The following SEMA3F variants were observed in gnomAD, a reference collection of about 807,000 sequenced individuals.
The protein encoded by SEMA3F is semaphorin 3F.
SEMA3F carries 30 observed loss-of-function variants against 98.5 expected under a neutral mutation model. That is an observed-to-expected ratio of 0.30 (90% CI 0.23 to 0.41). SEMA3F has a LOEUF of 0.41. Among genes scored for constraint, SEMA3F ranks in the 10% least tolerant of loss-of-function variants. SEMA3F has a pLI of 1.00. For synonymous variants in SEMA3F, 380 were observed against 444.8 expected (o/e 0.85, Z 1.83); for missense variants, 866 against 1,119.3 (o/e 0.77, Z 3.23).
Position 50,182,602 on chromosome 3 carries a change from A to G in SEMA3F, c.764-42A>G. 8 of 1,600,980 alleles carry G rather than the reference A, an allele frequency of 5.0e-6. No homozygotes were observed. In the South Asian group the frequency reaches 6.6e-5, roughly 13 times the overall value. ...TCTGTTGGAGAACATCAGGGGCACC[A>G]TCAGAGTAGGGGCTCACCCAGCTGA... On this transcript the variant is annotated intron_variant, in intron 8 of 18. Transcript: ENST00000002829. This position sits in a 1 kb window ranked among gnomAD's most constrained non-coding sequence, Gnocchi z 4.5.
rs746725230 is a variant in SEMA3F at position 50,185,740 on chromosome 3, G to A, written c.1587+33G>A. 7 of 1,613,576 alleles carry A rather than the reference G, an allele frequency of 4.3e-6. No homozygotes were observed. The South Asian group carries it at 6.6e-5, about 15-fold the overall frequency. On this transcript the variant is annotated intron_variant, in intron 15 of 18. Coordinates refer to ENST00000002829, the MANE Select transcript of SEMA3F (RefSeq NM_004186.5). Reference sequence around the variant, plus strand: ...TTTGGCGAGGTGAGCCAAGGTTGGGGACAGGGCCTGCATCCCCTCAGGGTC... The same window carrying A: ...TTTGGCGAGGTGAGCCAAGGTTGGGAACAGGGCCTGCATCCCCTCAGGGTC...
At chr3:50,164,732 G>A (rs1172584345) in intron 2 of SEMA3F, among the ~76,000 whole-genome samples, 2 of 152,218 alleles carry the variant, frequency 1.3e-5, no homozygotes, top group Non-Finnish European at 2.9e-5. Context: ...TGTAAGGTGG[G>A]AATGGCAGTG....
intron 2 of SEMA3F, among the ~76,000 whole-genome samples, chr3:50,163,566 G>A (rs1298297727): frequency 2.0e-5 from 3 of 152,262 alleles, no homozygotes; most frequent in East Asian, 1.9e-4. Flanking sequence ...CTTCCCCTCA[G>A]GAGTTGATGT....
intron 2 of SEMA3F, among the ~76,000 whole-genome samples, chr3:50,163,641 G>C (rs1446163691): frequency 6.6e-6 from 1 of 152,250 alleles, no homozygotes; most frequent in Non-Finnish European, 1.5e-5. Flanking sequence ...CAGGAGTAGG[G>C]GTGGGGCTGG....
At chr3:50,159,946 A>G (rs1698141454) in intron 2 of SEMA3F, among the ~76,000 whole-genome samples, 1 of 152,244 alleles carries the variant, frequency 6.6e-6, no homozygotes, top group South Asian at 2.1e-4. Context: ...AAAAGAGTCC[A>G]GAGTCTGGGC....
At chr3:50,159,339 T>G (rs1222483599) in intron 1 of SEMA3F, 3 of 390,262 alleles carry the variant, frequency 7.7e-6, no homozygotes, top group Non-Finnish European at 1.4e-5. Flanking sequence ...GGGGTAGGGT[T>G]TGAGTCTCCA....
At position 50,188,040 on chromosome 3, in the gene SEMA3F, A is replaced by G. The variant is rs747559791; in HGVS notation, c.2283A>G (p.Pro761=). The change falls in exon 19 of 19, where the codon CCA becomes CCG. Residue 761 remains proline (P), a synonymous_variant. Coordinates refer to ENST00000002829, the MANE Select transcript of SEMA3F (RefSeq NM_004186.5). This position sits in a 1 kb window ranked among gnomAD's most constrained non-coding sequence, Gnocchi z 4.5. ...TGCCCCCCAGCCCCAGGGAGGCTCC[A>G]GGGGCACCCCGGTCTCCTGAGCCCC... is the stretch of plus-strand genomic sequence containing the variant. The part of the protein sequence containing the change: ...RHVPPSPREA[P]GAPRSPEPQD... 15 of 1,593,852 alleles carry G rather than the reference A, an allele frequency of 9.4e-6. No individual in the cohort carries two copies. Among genetic ancestry groups the G allele is most frequent in the Admixed American group, 3.4e-5 (2 of 58,436 alleles).
chr3:50,175,496 C>T (rs924059698), intron 6 of SEMA3F, among the ~76,000 whole-genome samples: 9 of 152,352 alleles, frequency 5.9e-5, no homozygotes, highest in Middle Eastern at 3.4e-3. Context: ...GAGCACACAC[C>T]GGTGTGGATG....
At chr3:50,183,338 C>T (rs917864266) in intron 11 of SEMA3F, 82 bp from the exon 12 acceptor site, 25 of 1,602,718 alleles carry the variant, frequency 1.6e-5, no homozygotes, top group East Asian at 1.3e-4. Flanking sequence ...AGCCCGGTGG[C>T]GAGCTGTGGG....
chr3:50,155,115 T>C, upstream of SEMA3F: 1 of 411,650 alleles, frequency 2.4e-6, no homozygotes, highest in Non-Finnish European at 4.5e-6. The surrounding 1 kb of genome is among the most constrained non-coding windows in gnomAD (Gnocchi z 4.9). Flanking sequence ...ACCGCGGCGG[T>C]CCGGAGAGCC....
In SEMA3F at chr3:50,186,367, A is replaced by G. The variant is rs376199809; in HGVS notation, c.1813+19A>G. On this transcript the variant is annotated intron_variant, in intron 17 of 18. Coordinates refer to ENST00000002829, the MANE Select transcript of SEMA3F (RefSeq NM_004186.5). ...TCCAATGGTGAGTATGCTGGGCCTC[A>G]CTGTGGGGTGCTGCTCACACTGCAG... is the stretch of plus-strand genomic sequence containing the variant. The G allele has an allele frequency of 6.2e-7, 1 of 1,610,918 alleles. No individual in the cohort carries two copies. Among genetic ancestry groups the G allele is most frequent in the Non-Finnish European group, 8.5e-7 (1 of 1,177,864 alleles).
At chr3:50,161,526 G>A (rs991860019) in intron 2 of SEMA3F, among the ~76,000 whole-genome samples, 3 of 152,234 alleles carry the variant, frequency 2.0e-5, no homozygotes, top group African/African-American at 4.8e-5. Context: ...GGGTGTTGCC[G>A]GTTGTGGCGG....
At chr3:50,178,954 C>T (rs920052850) in intron 7 of SEMA3F, among the ~76,000 whole-genome samples, 1 of 151,172 alleles carries the variant, frequency 6.6e-6, no homozygotes, top group Non-Finnish European at 1.5e-5. Context: ...GCCTCAGCCT[C>T]CTGAGTAGCT....
intron 2 of SEMA3F, among the ~76,000 whole-genome samples, chr3:50,171,808 C>T (rs1484532422): frequency 2.6e-5 from 4 of 152,154 alleles, no homozygotes; most frequent in South Asian, 2.1e-4. Context: ...TCAGAGGCGC[C>T]GCTGGACAGG....
chr3:50,155,287 G>A (rs1697928971), upstream of SEMA3F: 2 of 318,608 alleles, frequency 6.3e-6, no homozygotes, highest in South Asian at 1.4e-4. The surrounding 1 kb of genome is among the most constrained non-coding windows in gnomAD (Gnocchi z 4.9). Flanking sequence ...GCGCCGGCCA[G>A]GGGGCGCCCG....
At chr3:50,168,858 C>T (rs1363915530) in intron 2 of SEMA3F, among the ~76,000 whole-genome samples, 1 of 152,216 alleles carries the variant, frequency 6.6e-6, no homozygotes, top group Non-Finnish European at 1.5e-5. Context: ...GGAGGTCTGT[C>T]TTTCCGGTGG....
chr3:50,159,542 C>A, intron 1 of SEMA3F, 33 bp from the exon 2 acceptor site: 1 of 825,286 alleles, frequency 1.2e-6, no homozygotes, highest in Non-Finnish European at 2.0e-6. Flanking sequence ...CCCCATCTGC[C>A]TCACACATTC....
In SEMA3F at chr3:50,184,808, G is replaced by A; in HGVS notation, c.1450G>A (p.Gly484Ser). ...ADGRYEVLFL[G>S]TDRGTVQKVI... ...CGGGCGCTATGAGGTGCTTTTCCTGGGCACAGGTACCCACTGCTGCTCCCG... is the reference window on the plus strand; with the variant it reads ...CGGGCGCTATGAGGTGCTTTTCCTGAGCACAGGTACCCACTGCTGCTCCCG... Residue 484 changes from glycine (G) to serine (S), a missense_variant, in exon 13 of 19, where the codon GGC becomes AGC. Around this residue, in one of 3 missense-constraint regions of SEMA3F, gnomAD observed 374 missense variants for 582.8 expected, o/e 0.64. Transcript: ENST00000002829. 1.2e-6 allele frequency: 2 copies of A among 1,613,006 alleles called. No individual in the cohort carries two copies. Among genetic ancestry groups the A allele is most frequent in the Non-Finnish European group, 1.7e-6 (2 of 1,179,502 alleles).
intron 7 of SEMA3F, among the ~76,000 whole-genome samples, chr3:50,179,731 C>T (rs1189014849): frequency 6.6e-6 from 1 of 152,246 alleles, no homozygotes; most frequent in East Asian, 1.9e-4. Context: ...TCCATCAGCA[C>T]TTGCTACTTC....
Sources: gnomAD v4.1 joint callset for allele counts (sites outside exome capture counted in the v4.1 genomes callset) on GRCh38, gnomAD v4.1.1 for gene constraint, gnomAD v4.1.1 regional missense constraint, Gnocchi (gnomAD v3.1) non-coding constraint, MANE v1.5 for transcripts, NCBI Gene and HGNC (gene_info 2026-07-23, HGNC 2026-07-21) for gene names.